MYRIP: variants seen among roughly 807,000 people sequenced by gnomAD.
The protein encoded by MYRIP is myosin VIIA and Rab interacting protein, also known as rab effector MyRIP.
A neutral mutation model predicts 98.0 loss-of-function variants in MYRIP; 49 were observed. That is an observed-to-expected ratio of 0.50 (90% CI 0.40 to 0.63). The LOEUF (loss-of-function observed/expected upper bound fraction) is 0.63. MYRIP is among the 30% of genes least tolerant of loss of function. The pLI is 0.00. For synonymous variants in MYRIP, 404 were observed against 409.5 expected (o/e 0.99, Z 0.16); for missense variants, 1,004 against 1,058.2 (o/e 0.95, Z 0.71).
At chr3:40,246,563 T>G (rs1253975055) in intron 13 of MYRIP, among the ~76,000 whole-genome samples, 1 of 152,104 alleles carries the variant, frequency 6.6e-6, no homozygotes, top group Non-Finnish European at 1.5e-5. Context: ...AGCTATTAAT[T>G]TACATTGTGA....
At chr3:40,176,681 G>A (rs1950767619) in intron 8 of MYRIP, among the ~76,000 whole-genome samples, 1 of 152,126 alleles carries the variant, frequency 6.6e-6, no homozygotes, top group Non-Finnish European at 1.5e-5. Context: ...GCCAAGGTGG[G>A]TGGATCACCT....
intron 11 of MYRIP, among the ~76,000 whole-genome samples, chr3:40,218,598 C>CACACACACACACATAT (rs143584008): frequency 7.0e-5 from 1 of 14,238 alleles, no homozygotes; most frequent in South Asian, 3.0e-3. Context: ...CACACACACA[C>CACACACACACACATAT]ATATATATAT....
intron 3 of MYRIP, among the ~76,000 whole-genome samples, chr3:40,082,472 T>G (rs1575522680): frequency 6.6e-6 from 1 of 152,220 alleles, no homozygotes; most frequent in Non-Finnish European, 1.5e-5. Context: ...ATGTAAAGTT[T>G]TTCATTAATG....
chr3:39,975,471 C>T (rs1249675839), intron 2 of MYRIP, among the ~76,000 whole-genome samples: 1 of 151,870 alleles, frequency 6.6e-6, no homozygotes, highest in African/African-American at 2.4e-5. Context: ...GGCCATACTG[C>T]CCAAGGTAAT....
intron 1 of MYRIP, among the ~76,000 whole-genome samples, chr3:39,842,503 G>C (rs1030170197): frequency 6.6e-6 from 1 of 152,110 alleles, no homozygotes; most frequent in African/African-American, 2.4e-5. Flanking sequence ...GTGCCACTGG[G>C]GTATGAAAGA....
At chr3:39,965,907 G>A (rs914009799) in intron 2 of MYRIP, among the ~76,000 whole-genome samples, 3 of 152,090 alleles carry the variant, frequency 2.0e-5, no homozygotes, top group African/African-American at 7.2e-5. Flanking sequence ...CTGCATAATT[G>A]TATATGTTTG....
At chr3:40,033,322 C>T (rs1408696165) in intron 2 of MYRIP, among the ~76,000 whole-genome samples, 5 of 151,550 alleles carry the variant, frequency 3.3e-5, no homozygotes. Context: ...TAGAAAACCC[C>T]ATTGTCTCAG....
At chr3:40,141,398 G>A (rs1338660120) in intron 3 of MYRIP, among the ~76,000 whole-genome samples, 1 of 152,116 alleles carries the variant, frequency 6.6e-6, no homozygotes, top group African/African-American at 2.4e-5. Context: ...CATTCTGTAG[G>A]TTGTCTTTTC....
intron 2 of MYRIP, among the ~76,000 whole-genome samples, chr3:40,043,672 A>G (rs968890241): frequency 6.6e-6 from 1 of 152,180 alleles, no homozygotes; most frequent in Non-Finnish European, 1.5e-5. Context: ...TGTGAGGATT[A>G]ATGTTTTATC....
chr3:40,069,201 C>T (rs1216547307), intron 3 of MYRIP, among the ~76,000 whole-genome samples: 1 of 152,092 alleles, frequency 6.6e-6, no homozygotes, highest in Non-Finnish European at 1.5e-5. Context: ...TGGGGATGCA[C>T]CTGCACATCT....
intron 2 of MYRIP, among the ~76,000 whole-genome samples, chr3:39,922,604 C>T (rs1944330283): frequency 6.6e-6 from 1 of 152,126 alleles, no homozygotes; most frequent in African/African-American, 2.4e-5. Flanking sequence ...TTGTGGGGAG[C>T]TGGAATTTCC....
chr3:39,964,881 A>G (rs1178744356), intron 2 of MYRIP, among the ~76,000 whole-genome samples: 2 of 152,106 alleles, frequency 1.3e-5, no homozygotes, highest in Non-Finnish European at 2.9e-5. Flanking sequence ...CTGCTTGGAG[A>G]ATCAATGGAA....
chr3:40,169,600 C>G lies in MYRIP; in HGVS notation c.730-350C>G, dbSNP rs568659028. Among the ~76,000 whole-genome samples, 19 of 152,310 alleles carry G rather than the reference C, an allele frequency of 1.2e-4. 1 individual carries two copies. Among genetic ancestry groups the G allele is most frequent in the African/African-American group, 4.6e-4 (19 of 41,556 alleles). ...TATCCAATAACTTAGTCTCTCTGAGCCTGTTTCCTCATCTATAAAATGGAA... is the reference window on the plus strand; with the variant it reads ...TATCCAATAACTTAGTCTCTCTGAGGCTGTTTCCTCATCTATAAAATGGAA... On this transcript the variant is annotated intron_variant, in intron 7 of 16. Transcript: ENST00000302541.
At chr3:39,900,731 G>A in intron 1 of MYRIP, 56 bp from the exon 2 acceptor site, 1 of 911,382 alleles carries the variant, frequency 1.1e-6, no homozygotes, top group African/African-American at 1.7e-5. Flanking sequence ...TAACAAAATA[G>A]GTTGATTTTG....
intron 3 of MYRIP, among the ~76,000 whole-genome samples, chr3:40,091,959 T>A (rs1026554932): frequency 5.3e-5 from 8 of 152,210 alleles, no homozygotes; most frequent in Non-Finnish European, 1.2e-4. Context: ...TGAATTTGCA[T>A]GGAAAGAGAT....
At chr3:39,856,109 C>T (rs552760079) in intron 1 of MYRIP, among the ~76,000 whole-genome samples, 1 of 152,244 alleles carries the variant, frequency 6.6e-6, no homozygotes, top group Admixed American at 6.5e-5. Flanking sequence ...TTTCAGATTC[C>T]CCAGTGGGGA....
At chr3:39,854,551 T>G (rs1371858619) in intron 1 of MYRIP, among the ~76,000 whole-genome samples, 1 of 152,122 alleles carries the variant, frequency 6.6e-6, no homozygotes, top group African/African-American at 2.4e-5. Context: ...TCCTGTACTG[T>G]TTTTTAAAAT....
At chr3:40,188,204 A>G (rs1402326872) in intron 9 of MYRIP, among the ~76,000 whole-genome samples, 4 of 152,254 alleles carry the variant, frequency 2.6e-5, no homozygotes, top group Non-Finnish European at 5.9e-5. Flanking sequence ...AAACAGGCTT[A>G]GCAGGTACAA....
Position 39,900,777 on chromosome 3 carries a change from G to T in MYRIP, c.-30-10G>T. On this transcript the variant is annotated splice_polypyrimidine_tract_variant and intron_variant, in intron 1 of 16. Coordinates refer to ENST00000302541, the MANE Select transcript of MYRIP (RefSeq NM_015460.4). ...GATTTTATCTTGCTTGTATCATTTTGGTTTCCCAGGTCTTGTTTCATCATC... is the reference window on the plus strand; with the variant it reads ...GATTTTATCTTGCTTGTATCATTTTTGTTTCCCAGGTCTTGTTTCATCATC... 2.1e-6 allele frequency: 3 copies of T among 1,422,988 alleles called. No individual in the cohort carries two copies. Among genetic ancestry groups the T allele is most frequent in the South Asian group, 2.4e-5 (2 of 83,854 alleles). 88.1% of individuals were successfully genotyped at this position (1,422,988 alleles called of 1,614,324 possible).
Sources: allele counts gnomAD v4.1 joint callset (sites outside exome capture counted in the v4.1 genomes callset), GRCh38; gene constraint gnomAD v4.1.1; transcripts MANE v1.5; gene names NCBI Gene and HGNC (gene_info 2026-07-23, HGNC 2026-07-21).